GEN1: variants seen among roughly 807,000 people sequenced by gnomAD.
GEN1 encodes flap endonuclease GEN homolog 1.
In GEN1, 64 loss-of-function variants were observed where a neutral mutation model predicts 67.6. The observed-to-expected ratio is 0.95, with a 90% CI of 0.77 to 1.17. The LOEUF is 1.17. GEN1 is among the 50% of genes most tolerant of loss of function. The pLI is 0.00. For synonymous variants in GEN1, 371 were observed against 359.4 expected (o/e 1.03, Z -0.37); for missense variants, 1,058 against 1,048.3 (o/e 1.01, Z -0.13).
chr2:17,780,788 T>C lies in GEN1; in HGVS notation c.1576T>C (p.Leu526=), dbSNP rs774158609. Residue 526 remains leucine (L), a synonymous_variant, in exon 14 of 14, where the codon TTG becomes CTG. Transcript: ENST00000381254. The part of the protein sequence containing the change: ...TLPQESISAS[L]NSLLLPKNTP... ...ACCACAGGAATCTATTTCTGCCTCATTGAATAGCTTGCTTTTACCTAAAAA... is the reference window on the plus strand; with the variant it reads ...ACCACAGGAATCTATTTCTGCCTCACTGAATAGCTTGCTTTTACCTAAAAA... 6.2e-7 allele frequency: 1 copy of C among 1,614,024 alleles called. No individual in the cohort carries two copies. Among genetic ancestry groups the C allele is most frequent in the Admixed American group, 1.7e-5 (1 of 60,024 alleles).
chr2:17,753,998 A>C (rs1316070256), upstream of GEN1: 2 of 152,308 alleles, frequency 1.3e-5, no homozygotes, highest in African/African-American at 4.8e-5. Context: ...AAAGGGAAAG[A>C]TAATTGAGCG....
chr2:17,771,322 A>C, intron 7 of GEN1, 35 bp downstream of exon 7: 3,603 of 1,158,782 alleles, frequency 3.1e-3, no homozygotes, highest in Non-Finnish European at 4.3e-3. Context: ...TTAGTATCTC[A>C]TACCCATGTT....
chr2:17,757,582 G>A (rs1445839012), intron 1 of GEN1, among the ~76,000 whole-genome samples: 1 of 152,090 alleles, frequency 6.6e-6, no homozygotes, highest in Non-Finnish European at 1.5e-5. Context: ...CCTTAGAACC[G>A]GAAGTTGCCA....
Position 17,784,445 on chromosome 2 carries a change from C to T in GEN1, c.*2506C>T, listed in dbSNP as rs918488223. 6.6e-6 allele frequency: 1 copy of T among 152,172 alleles called. No individual in the cohort carries two copies. The highest frequency in any genetic ancestry group is 1.5e-5 in the Non-Finnish European group (1 of 68,036). The allele number at this position is 152,172 out of a possible 1,614,324, so 9.4% of individuals were successfully genotyped here. A position where few individuals can be genotyped will look rare whatever the true frequency, so the allele number is the denominator to read the frequency against. On this transcript the variant is annotated 3_prime_UTR_variant, in exon 14 of 14. Coordinates refer to ENST00000381254, the MANE Select transcript of GEN1 (RefSeq NM_001130009.3). ...AATGTAGAGTTACGATATGATCCAG[C>T]AATTCCTCTCCCAGGTATATACCCA... is the stretch of plus-strand genomic sequence containing the variant.
At chr2:17,753,665 G>T (rs1245248127), upstream of GEN1, 1 of 152,208 alleles carries the variant, frequency 6.6e-6, no homozygotes, top group Non-Finnish European at 1.5e-5. Flanking sequence ...CCTGATCGGC[G>T]GGGCTGCCGT....
rs997880044 is a variant in GEN1, at chr2:17,785,448, C to G, written c.*3509C>G. 1.3e-5 allele frequency: 2 copies of G among 152,348 alleles called. No homozygotes were observed. The highest frequency in any genetic ancestry group is 2.9e-5 in the Non-Finnish European group (2 of 68,130). The allele number at this position is 152,348 out of a possible 1,614,324, so 9.4% of individuals were successfully genotyped here. On this transcript the variant is annotated 3_prime_UTR_variant, in exon 14 of 14. Coordinates refer to ENST00000381254, the MANE Select transcript of GEN1 (RefSeq NM_001130009.3). ...ATGCCTTGCTTCCCTTTGAAATACT[C>G]TGCCAAAGATCTGCCTCCAGCTGCT...
At chr2:17,760,326 C>T (rs962878262) in intron 2 of GEN1, among the ~76,000 whole-genome samples, 13 of 152,190 alleles carry the variant, frequency 8.5e-5, no homozygotes, top group Admixed American at 3.3e-4. Flanking sequence ...TCCTACTTAA[C>T]GTATCCACTA....
intron 10 of GEN1, among the ~76,000 whole-genome samples, chr2:17,773,559 G>A (rs562643980): frequency 1.9e-4 from 29 of 152,142 alleles, no homozygotes; most frequent in South Asian, 8.3e-4. Context: ...TATTTTGGGG[G>A]AAGAGGGTTT....
intron 4 of GEN1, 162 bp downstream of exon 4, chr2:17,765,235 T>A: frequency 3.4e-6 from 2 of 596,950 alleles, no homozygotes; most frequent in Non-Finnish European, 5.6e-6. Context: ...GCCACATAGT[T>A]CATTCTCTTC....
intron 11 of GEN1, among the ~76,000 whole-genome samples, chr2:17,775,401 A>G (rs1558406377): frequency 6.6e-6 from 1 of 152,244 alleles, no homozygotes; most frequent in Admixed American, 6.5e-5. Flanking sequence ...GTTTTGGATT[A>G]GTTCCTAGAA....
chr2:17,774,235 TAAC>T, intron 10 of GEN1, 33 bp from the exon 11 acceptor site: 5 of 1,273,518 alleles, frequency 3.9e-6, no homozygotes, highest in Non-Finnish European at 5.4e-6. Context: ...CTCCAAGAGA[TAAC>T]AAAATCTTGT....
chr2:17,762,710 A>G (rs1293631067), intron 3 of GEN1, among the ~76,000 whole-genome samples: 2 of 152,002 alleles, frequency 1.3e-5, no homozygotes, highest in Non-Finnish European at 2.9e-5. Flanking sequence ...TTACTTTTTT[A>G]GTTTTTCTCT....
At position 17,772,670 on chromosome 2, in the gene GEN1, T is replaced by G; in HGVS notation, c.839T>G (p.Leu280Ter). 6.2e-7 allele frequency: 1 copy of G among 1,611,610 alleles called. No homozygotes were observed. Among genetic ancestry groups the G allele is most frequent in the Non-Finnish European group, 8.5e-7 (1 of 1,178,476 alleles). The change falls in exon 8 of 14, where the codon TTA becomes TGA. Residue 280 changes from leucine (L) to a stop codon, truncating the protein, a stop_gained. Coordinates refer to ENST00000381254, the MANE Select transcript of GEN1 (RefSeq NM_001130009.3). LOFTEE classifies it high-confidence loss of function. ...PKDHERNGCR[L>*]CKSDKYCEPH... ...GATCATGAACGTAATGGATGCAGATTATGTAAAAGTGATAAATATTGTGAG... is the reference window on the plus strand; with the variant it reads ...GATCATGAACGTAATGGATGCAGATGATGTAAAAGTGATAAATATTGTGAG...
intron 3 of GEN1, among the ~76,000 whole-genome samples, chr2:17,764,535 TATCTTGGCTC>T (rs1416198242): frequency 4.6e-5 from 7 of 152,226 alleles, no homozygotes; most frequent in African/African-American, 1.4e-4. Context: ...CTTAAACCAT[TATCTTGGCTC>T]ATCTTGTTTC....
intron 5 of GEN1, among the ~76,000 whole-genome samples, chr2:17,767,108 C>A (rs898699040): frequency 6.6e-6 from 1 of 152,128 alleles, no homozygotes; most frequent in East Asian, 1.9e-4. Flanking sequence ...TGCTAAGTCA[C>A]GTGATCATTG....
intron 11 of GEN1, 98 bp from the exon 12 acceptor site, chr2:17,777,904 C>A: frequency 3.1e-6 from 2 of 654,456 alleles, no homozygotes; most frequent in South Asian, 1.7e-5. Context: ...ATGTTTTTAC[C>A]TGGGAAAAAA....
At chr2:17,756,433 T>A (rs1671437551) in intron 1 of GEN1, among the ~76,000 whole-genome samples, 1 of 152,224 alleles carries the variant, frequency 6.6e-6, no homozygotes. Context: ...ATATGTTGAT[T>A]GTATGAACAG....
chr2:17,781,523 C>T lies in GEN1; in HGVS notation c.2311C>T (p.Pro771Ser). The change falls in exon 14 of 14, where the codon CCA becomes TCA. Residue 771 changes from proline to serine, a missense_variant. Transcript: ENST00000381254. Reference protein sequence around the residue: ...TVVKTCNVRPPNTALDHSRKV... With the variant: ...TVVKTCNVRPSNTALDHSRKV... ...GGTAAAGACCTGCAATGTTAGACCACCAAATACTGCTTTAGATCATAGTAG... is the reference window on the plus strand; with the variant it reads ...GGTAAAGACCTGCAATGTTAGACCATCAAATACTGCTTTAGATCATAGTAG... The T allele has an allele frequency of 1.9e-6, 3 of 1,613,670 alleles. No homozygotes were observed. The highest frequency in any genetic ancestry group is 1.7e-6 in the Non-Finnish European group (2 of 1,179,930).
rs894598394 is a variant in GEN1, at chr2:17,784,639, A to G, written c.*2700A>G. ...AAGCATTCAACTAGATTATTTACAA[A>G]CCTTGTATCATCTCAACTCTTTAAG... On this transcript the variant is annotated 3_prime_UTR_variant, in exon 14 of 14. Transcript: ENST00000381254. 3.9e-5 allele frequency: 6 copies of G among 152,214 alleles called. No homozygotes were observed. The highest frequency in any genetic ancestry group is 1.4e-4 in the African/African-American group (6 of 41,462). The allele number at this position is 152,214 out of a possible 1,614,324, so 9.4% of individuals were successfully genotyped here. A position where few individuals can be genotyped will look rare whatever the true frequency, so the allele number is the denominator to read the frequency against.
Sources: gnomAD v4.1 joint callset for allele counts (sites outside exome capture counted in the v4.1 genomes callset) on GRCh38, gnomAD v4.1.1 for gene constraint, MANE v1.5 for transcripts, NCBI Gene and HGNC (gene_info 2026-07-23, HGNC 2026-07-21) for gene names.